The following ANP32E variants were observed in gnomAD, a reference collection of about 807,000 sequenced individuals.
ANP32E encodes acidic nuclear phosphoprotein 32 family member E, also known as acidic leucine-rich nuclear phosphoprotein 32 family member E.
In ANP32E, 14 loss-of-function variants were observed where a neutral mutation model predicts 35.3. That is an observed-to-expected ratio of 0.40 (90% CI 0.26 to 0.62). The LOEUF (loss-of-function observed/expected upper bound fraction) is 0.62. Among genes scored for constraint, ANP32E ranks in the 20% least tolerant of loss-of-function variants. The pLI is 0.45. For synonymous variants in ANP32E, 89 were observed against 110.4 expected (o/e 0.81, Z 1.22); for missense variants, 198 against 304.4 (o/e 0.65, Z 2.60).
intron 5 of ANP32E, among the ~76,000 whole-genome samples, chr1:150,225,668 CAA>C (rs1648810070): frequency 3.4e-5 from 4 of 119,248 alleles, no homozygotes; most frequent in East Asian, 2.6e-4. Flanking sequence ...GAGACTGTAA[CAA>C]AAAAAAAAAA....
chr1:150,231,602 TA>T (rs1434995683), intron 2 of ANP32E, among the ~76,000 whole-genome samples, 174 bp downstream of exon 2: 1 of 152,208 alleles, frequency 6.6e-6, no homozygotes, highest in Non-Finnish European at 1.5e-5. Context: ...AATAAATAAA[TA>T]AATTTATAAA....
Position 150,235,669 on chromosome 1 carries a change from A to G in ANP32E, c.54+64T>C. On this transcript the variant is annotated intron_variant, in intron 1 of 6. Coordinates refer to ENST00000583931, the MANE Select transcript of ANP32E (RefSeq NM_030920.5). The surrounding 1 kb of genome is among the most constrained non-coding windows in gnomAD (Gnocchi z 4.2). The stretch of plus-strand genomic sequence containing the variant: ...CATCCCCGCACACCCACCCAGGACC[A>G]CCAGAAATCCGATCCTCAGAATACT... 1.2e-6 allele frequency: 2 copies of G among 1,606,086 alleles called. No homozygotes were observed. Among genetic ancestry groups the G allele is most frequent in the Non-Finnish European group, 1.7e-6 (2 of 1,175,078 alleles).
intron 2 of ANP32E, 93 bp from the exon 3 acceptor site, chr1:150,230,786 G>T: frequency 8.1e-7 from 1 of 1,233,178 alleles, no homozygotes; most frequent in Non-Finnish European, 1.1e-6. Flanking sequence ...CTGTCGCCCA[G>T]GCTGGAGTGC....
At chr1:150,227,847 C>T (rs587718115) in intron 4 of ANP32E, among the ~76,000 whole-genome samples, 1 of 147,230 alleles carries the variant, frequency 6.8e-6, no homozygotes, top group East Asian at 2.1e-4. Context: ...GAGCAGTATC[C>T]TATTACTAAC....
intron 1 of ANP32E, chr1:150,234,808 C>G (rs1553842823): frequency 3.2e-6 from 1 of 313,710 alleles, no homozygotes; most frequent in Non-Finnish European, 4.6e-6. Context: ...GCGGAAACGC[C>G]TCCTACCCGA....
chr1:150,231,654 T>C, intron 2 of ANP32E, 123 bp downstream of exon 2: 1 of 696,438 alleles, frequency 1.4e-6, no homozygotes, highest in Non-Finnish European at 1.8e-6. Context: ...ATATAACTTT[T>C]TCTTATCTCT....
intron 4 of ANP32E, among the ~76,000 whole-genome samples, chr1:150,227,473 C>T (rs1648964274): frequency 6.6e-6 from 1 of 152,044 alleles, no homozygotes; most frequent in African/African-American, 2.4e-5. Context: ...TGGGGACCAT[C>T]ATCCTAAGTG....
chr1:150,229,007 CT>C, intron 4 of ANP32E, 64 bp downstream of exon 4: 6 of 1,430,648 alleles, frequency 4.2e-6, no homozygotes, highest in Non-Finnish European at 5.6e-6. Context: ...CAGGCCCAAT[CT>C]AATTTGCACA....
intron 4 of ANP32E, among the ~76,000 whole-genome samples, chr1:150,228,110 T>C (rs1649026681): frequency 6.6e-6 from 1 of 151,472 alleles, no homozygotes; most frequent in South Asian, 2.1e-4. Context: ...TTTTGTTTGC[T>C]TTTTTGTTTT....
At chr1:150,223,751 A>ATT (rs112484615) in intron 5 of ANP32E, among the ~76,000 whole-genome samples, 2,635 of 112,556 alleles carry the variant, frequency 0.023, 109 homozygotes, top group African/African-American at 0.078. Flanking sequence ...TTATTTATTT[A>ATT]TTTTTTTTTT....
intron 1 of ANP32E, among the ~76,000 whole-genome samples, chr1:150,233,121 C>T (rs1330206813): frequency 2.6e-5 from 4 of 151,748 alleles, no homozygotes; most frequent in Admixed American, 1.3e-4. Flanking sequence ...AAAAATCAGC[C>T]GGGCGTGATG....
intron 3 of ANP32E, among the ~76,000 whole-genome samples, chr1:150,230,318 G>C (rs1649255054): frequency 6.7e-6 from 1 of 148,824 alleles, no homozygotes; most frequent in African/African-American, 2.5e-5. Flanking sequence ...ATGAAAGAAG[G>C]TTAAAAAAAA....
In ANP32E at chr1:150,219,285, CAA is replaced by C. The variant is rs1288775398; in HGVS notation, c.*1404_*1405del. 1 of 150,668 alleles carries C rather than the reference CAA, an allele frequency of 6.6e-6. No homozygotes were observed. Among genetic ancestry groups the C allele is most frequent in the African/African-American group, 2.5e-5 (1 of 40,044 alleles). 9.3% of individuals were successfully genotyped at this position (150,668 alleles called of 1,614,324 possible). A position where few individuals can be genotyped will look rare whatever the true frequency, so the allele number is the denominator to read the frequency against. On this transcript the variant is annotated 3_prime_UTR_variant, in exon 7 of 7. Transcript: ENST00000583931. ...TGCCTTGAACATGGAGCCTCCATAGCAAAAGAGGAGATATACTTGTATACTCA... is the reference window on the plus strand; with the variant it reads ...TGCCTTGAACATGGAGCCTCCATAGCAAGAGGAGATATACTTGTATACTCA...
At chr1:150,223,129 T>C in intron 6 of ANP32E, 57 bp downstream of exon 6, 1 of 1,452,044 alleles carries the variant, frequency 6.9e-7, no homozygotes, top group Non-Finnish European at 9.3e-7. Flanking sequence ...ATAAATAAAG[T>C]ATAAAAAATG....
At position 150,233,016 on chromosome 1, in the gene ANP32E, G is replaced by A. The variant is rs1351550775; in HGVS notation, c.55-1090C>T. ...TCGGGGGCTCACGCCTGTAATCCCA[G>A]CACTTTGGGAAGCTGAGGCAGGTGG... is the stretch of plus-strand genomic sequence containing the variant. On this transcript the variant is annotated intron_variant, in intron 1 of 6. Coordinates refer to ENST00000583931, the MANE Select transcript of ANP32E (RefSeq NM_030920.5). Among the ~76,000 whole-genome samples, 5 of 152,018 alleles carry A rather than the reference G, an allele frequency of 3.3e-5. No individual in the cohort carries two copies. The East Asian group carries it at 9.7e-4, about 30-fold the overall frequency.
intron 6 of ANP32E, among the ~76,000 whole-genome samples, chr1:150,222,151 T>A (rs1335141220): frequency 6.6e-6 from 1 of 152,030 alleles, no homozygotes; most frequent in Non-Finnish European, 1.5e-5. Context: ...CCGGGTGCGG[T>A]GGCTCACGCC....
At chr1:150,223,137 A>G (rs1553838603) in intron 6 of ANP32E, 49 bp downstream of exon 6, 4 of 1,465,398 alleles carry the variant, frequency 2.7e-6, no homozygotes, top group African/African-American at 1.4e-5. Flanking sequence ...AGTATAAAAA[A>G]TGACTATGTC....
chr1:150,226,344 A>G (rs1200833717), intron 5 of ANP32E, among the ~76,000 whole-genome samples: 1 of 152,182 alleles, frequency 6.6e-6, no homozygotes, highest in African/African-American at 2.4e-5. Context: ...AGGTTCACAG[A>G]CATTTGTAAA....
At chr1:150,224,426 T>C (rs1648704862) in intron 5 of ANP32E, among the ~76,000 whole-genome samples, 2 of 151,776 alleles carry the variant, frequency 1.3e-5, no homozygotes, top group African/African-American at 4.8e-5. Flanking sequence ...TACAAAAAAT[T>C]AGCCAGGTGT....
Sources: gnomAD v4.1 joint callset for allele counts (sites outside exome capture counted in the v4.1 genomes callset) on GRCh38, gnomAD v4.1.1 for gene constraint, Gnocchi (gnomAD v3.1) non-coding constraint, MANE v1.5 for transcripts, NCBI Gene and HGNC (gene_info 2026-07-23, HGNC 2026-07-21) for gene names.